Variants in NSF observed in about 807,000 individuals in gnomAD.
NSF encodes the protein vesicle-fusing ATPase.
Under a neutral mutation model 50.3 loss-of-function variants are expected in NSF, and 14 were observed. That is an observed-to-expected ratio of 0.28 (90% CI 0.18 to 0.44). NSF has a LOEUF of 0.44. Ranked by LOEUF, NSF falls within the 20% of genes least tolerant of loss-of-function variation. The probability of loss-of-function intolerance (pLI) is 1.00; values close to 1 mark genes in which losing one functional copy is unlikely to be tolerated. For synonymous variants in NSF, 109 were observed against 175.7 expected (o/e 0.62, Z 3.00); for missense variants, 218 against 504.3 (o/e 0.43, Z 5.44).
intron 1 of NSF, among the ~76,000 whole-genome samples, chr17:46,606,051 T>C (rs1313256763): frequency 1.1e-5 from 1 of 91,394 alleles, no homozygotes; most frequent in Admixed American, 1.2e-4. Flanking sequence ...TGGTGGCGCA[T>C]GCCTGTAATC....
chr17:46,684,555 C>T (rs155757), intron 9 of NSF, among the ~76,000 whole-genome samples: 1 of 152,080 alleles, frequency 6.6e-6, no homozygotes, highest in African/African-American at 2.4e-5. Flanking sequence ...AAAACAGATA[C>T]ATAGACCAAA....
rs1212799406 is a variant in NSF at position 46,671,921 on chromosome 17, T to G, written c.746-2493T>G. ...TTTTAAGTATTTAAATTAGCTCAGC[T>G]ATGAGAATAAGCACGGTCCATAAAT... On this transcript the variant is annotated intron_variant, in intron 8 of 20. Coordinates refer to ENST00000398238, the MANE Select transcript of NSF (RefSeq NM_006178.4). 1.4e-5 allele frequency among the ~76,000 whole-genome samples: 2 copies of G among 144,846 alleles called. 1 individual carries two copies. The highest frequency in any genetic ancestry group is 3.1e-5 in the Non-Finnish European group (2 of 64,090).
intron 13 of NSF, among the ~76,000 whole-genome samples, chr17:46,709,875 T>C (rs2058701623): frequency 6.6e-6 from 1 of 152,166 alleles, no homozygotes. Context: ...GAATTTGCCA[T>C]ATCTAGGCCA....
intron 15 of NSF, 103 bp downstream of exon 15, chr17:46,714,089 C>G: frequency 8.1e-7 from 1 of 1,241,572 alleles, no homozygotes; most frequent in Non-Finnish European, 1.1e-6. Flanking sequence ...CCCATAGCAA[C>G]TATGTTCTTC....
At chr17:46,742,054 A>G (rs151102469) in intron 17 of NSF, among the ~76,000 whole-genome samples, 23 of 152,298 alleles carry the variant, frequency 1.5e-4, no homozygotes, top group Non-Finnish European at 2.1e-4. Flanking sequence ...GCACTGGCCA[A>G]TAGTACTTGT....
chr17:46,659,336 TC>T (rs1268783477), intron 8 of NSF, among the ~76,000 whole-genome samples: 328 of 36,612 alleles, frequency 9.0e-3, no homozygotes, highest in South Asian at 0.012. Context: ...ATATATCTCT[TC>T]CCTTACCTTT....
At position 46,756,766 on chromosome 17, in the gene NSF, G is replaced by A. The variant is rs540612133; in HGVS notation, c.*943G>A. On this transcript the variant is annotated 3_prime_UTR_variant, in exon 21 of 21. Coordinates refer to ENST00000398238, the MANE Select transcript of NSF (RefSeq NM_006178.4). ...TATTTTAAATGATCTGTACTATCTA[G>A]TGTCTAAAACACTATTCTCCAGAAA... 4 of 152,638 alleles carry A rather than the reference G, an allele frequency of 2.6e-5. No individual in the cohort carries two copies. In the South Asian group the frequency reaches 8.3e-4, roughly 32 times the overall value. The allele number at this position is 152,638 out of a possible 1,614,324, so 9.5% of individuals were successfully genotyped here.
intron 15 of NSF, among the ~76,000 whole-genome samples, chr17:46,720,029 T>C (rs573681128): frequency 6.6e-6 from 1 of 152,334 alleles, no homozygotes; most frequent in African/African-American, 2.4e-5. Context: ...CCACTGCAAA[T>C]TGTAGTCTGC....
intron 10 of NSF, 74 bp from the exon 11 acceptor site, chr17:46,693,773 A>AT (rs1351193327): frequency 1.8e-4 from 31 of 168,696 alleles, no homozygotes; most frequent in Non-Finnish European, 3.0e-4. Context: ...CTATTCTTAC[A>AT]TATACTAAAA....
At chr17:46,716,054 G>A (rs1225877235) in intron 15 of NSF, among the ~76,000 whole-genome samples, 1 of 152,084 alleles carries the variant, frequency 6.6e-6, no homozygotes, top group East Asian at 1.9e-4. Flanking sequence ...ATGAAGCATA[G>A]GTTTCTTAGA....
intron 8 of NSF, among the ~76,000 whole-genome samples, chr17:46,655,818 A>G (rs1025538126): frequency 1.8e-5 from 1 of 55,704 alleles, no homozygotes; most frequent in Non-Finnish European, 3.0e-5. Context: ...TCCAGGTGGG[A>G]TACTGTGTCA....
chr17:46,730,234 T>C (rs1368549402), intron 17 of NSF, among the ~76,000 whole-genome samples: 2 of 152,180 alleles, frequency 1.3e-5, no homozygotes, highest in African/African-American at 4.8e-5. Flanking sequence ...AAACTTTATG[T>C]CAGCATATTA....
At chr17:46,658,142 C>T (rs1442297391) in intron 8 of NSF, among the ~76,000 whole-genome samples, 1 of 12,178 alleles carries the variant, frequency 8.2e-5, no homozygotes, top group African/African-American at 7.1e-4. Context: ...CAGGTTCAAG[C>T]GATTCTTGTG....
intron 17 of NSF, among the ~76,000 whole-genome samples, chr17:46,746,471 A>G (rs936291890): frequency 6.6e-6 from 1 of 152,146 alleles, no homozygotes; most frequent in Non-Finnish European, 1.5e-5. Flanking sequence ...AATTGAAATT[A>G]TTTTGGTTTC....
intron 19 of NSF, among the ~76,000 whole-genome samples, chr17:46,752,772 C>CT (rs919716947): frequency 5.3e-5 from 8 of 150,924 alleles, no homozygotes; most frequent in African/African-American, 1.7e-4. Flanking sequence ...AACTTTTTTT[C>CT]TTTTTTTTTC....
intron 4 of NSF, among the ~76,000 whole-genome samples, chr17:46,633,573 A>G (rs1193097536): frequency 7.1e-6 from 1 of 140,018 alleles, no homozygotes; most frequent in East Asian, 1.9e-4. Flanking sequence ...ATTGCTGTAA[A>G]GTATTCTACA....
chr17:46,602,864 G>T (rs954347166), intron 1 of NSF, among the ~76,000 whole-genome samples: 2 of 123,768 alleles, frequency 1.6e-5, no homozygotes. Context: ...TTCTTGAATG[G>T]TTGAACAAGA....
At chr17:46,724,185 C>T (rs2058863431) in intron 15 of NSF, among the ~76,000 whole-genome samples, 1 of 152,192 alleles carries the variant, frequency 6.6e-6, no homozygotes, top group Non-Finnish European at 1.5e-5. Flanking sequence ...CTTCAAGTCT[C>T]AGGTTAAGTG....
intron 8 of NSF, among the ~76,000 whole-genome samples, chr17:46,657,970 ATT>A (rs200879873): frequency 6.7e-5 from 1 of 14,894 alleles, no homozygotes; most frequent in Non-Finnish European, 1.4e-4. Context: ...TATTTTATTT[ATT>A]TTTTTTTTTT....
Sources: gnomAD v4.1 joint callset for allele counts (sites outside exome capture counted in the v4.1 genomes callset) on GRCh38, gnomAD v4.1.1 for gene constraint, MANE v1.5 for transcripts, NCBI Gene and HGNC (gene_info 2026-07-23, HGNC 2026-07-21) for gene names.